Variants in CNOT4 observed in about 807,000 individuals in gnomAD.
CNOT4 encodes CCR4-NOT transcription complex subunit 4, also known as CCR4-associated factor 4.
CNOT4 carries 8 observed loss-of-function variants against 73.8 expected under a neutral mutation model. The ratio of observed to expected loss-of-function variants is 0.11; its 90% CI spans 0.06 to 0.20. CNOT4 has a LOEUF of 0.20. CNOT4 is among the 10% of genes least tolerant of loss of function. The pLI, the probability that CNOT4 is intolerant of heterozygous loss-of-function variation, is 1.00. For missense variants in CNOT4, 564 were observed against 883.4 expected, an observed-to-expected ratio of 0.64 and a Z score of 4.58; for synonymous variants, 293 against 321.1, an observed-to-expected ratio of 0.91 and a Z score of 0.94.
intron 1 of CNOT4, among the ~76,000 whole-genome samples, chr7:135,440,991 A>G (rs1203681416): frequency 6.6e-6 from 1 of 152,228 alleles, no homozygotes; most frequent in Non-Finnish European, 1.5e-5. Flanking sequence ...TTAAGTAAAT[A>G]TGATATAACA....
chr7:135,412,242 TAA>T (rs1046650154), intron 6 of CNOT4, among the ~76,000 whole-genome samples: 2 of 151,892 alleles, frequency 1.3e-5, no homozygotes, highest in Non-Finnish European at 2.9e-5. Context: ...GGGCAGTTCA[TAA>T]AGACAGGTTA....
chr7:135,453,021 T>C (rs1429685402), intron 1 of CNOT4, among the ~76,000 whole-genome samples: 1 of 152,168 alleles, frequency 6.6e-6, no homozygotes. Context: ...ACAGTTTTAT[T>C]TGGGGGAAAA....
Position 135,364,128 on chromosome 7 carries a change from A to G in CNOT4, c.1628-62T>C, listed in dbSNP as rs916865957. 8.1e-7 allele frequency: 1 copy of G among 1,240,708 alleles called. No homozygotes were observed. Among genetic ancestry groups the G allele is most frequent in the Non-Finnish European group, 1.1e-6 (1 of 879,428 alleles). The allele number at this position is 1,240,708 out of a possible 1,614,324, so 76.9% of individuals were successfully genotyped here. ...AAAAATAAAAAGCTACGTTAGAAACATATGTTGTTCTTTAGTGGTTAAGCG... is the reference window on the plus strand; with the variant it reads ...AAAAATAAAAAGCTACGTTAGAAACGTATGTTGTTCTTTAGTGGTTAAGCG... On this transcript the variant is annotated intron_variant, in intron 10 of 11. Transcript: ENST00000541284. The surrounding 1 kb of genome is among the most constrained non-coding windows in gnomAD (Gnocchi z 4.3).
chr7:135,472,597 A>G (rs1455446203), intron 1 of CNOT4, among the ~76,000 whole-genome samples: 1 of 130,256 alleles, frequency 7.7e-6, no homozygotes, highest in Non-Finnish European at 1.6e-5. Context: ...AGCATCTCAC[A>G]GAATTTAACC....
At chr7:135,368,448 G>C (rs1206769172) in intron 10 of CNOT4, among the ~76,000 whole-genome samples, 1 of 152,134 alleles carries the variant, frequency 6.6e-6, no homozygotes, top group Non-Finnish European at 1.5e-5. Context: ...CTGTTTTCAA[G>C]GGGCTAAAAG....
rs141020405 is a variant in CNOT4, at chr7:135,367,002, A to G, written c.1628-2936T>C. On this transcript the variant is annotated intron_variant, in intron 10 of 11. Transcript: ENST00000541284. The stretch of plus-strand genomic sequence containing the variant: ...TACAGCAGGGTTTATCAACCTCATC[A>G]CCACTGACAGTTTGAACTACATAAT... Among the ~76,000 whole-genome samples the G allele has an allele frequency of 2.9e-3, 438 of 152,158 alleles. 2 individuals are homozygous for G. The highest frequency in any genetic ancestry group is 9.6e-3 in the African/African-American group (399 of 41,502).
At chr7:135,433,022 T>A (rs1470437331) in intron 2 of CNOT4, among the ~76,000 whole-genome samples, 1 of 152,216 alleles carries the variant, frequency 6.6e-6, no homozygotes, top group African/African-American at 2.4e-5. Flanking sequence ...GCCCTTTCAA[T>A]CTGAAAATGT....
chr7:135,390,937 T>G (rs1273447042), intron 10 of CNOT4, among the ~76,000 whole-genome samples: 23 of 152,114 alleles, frequency 1.5e-4, no homozygotes, highest in Non-Finnish European at 1.5e-5. Context: ...GAAACAGGTA[T>G]GTACTCTCTC....
intron 2 of CNOT4, among the ~76,000 whole-genome samples, chr7:135,423,590 C>T (rs931350698): frequency 7.9e-5 from 12 of 152,108 alleles, no homozygotes; most frequent in African/African-American, 2.9e-4. Flanking sequence ...CCTGAGGTCT[C>T]CAAGAACCCT....
chr7:135,496,509 A>G (rs1011358614), intron 1 of CNOT4, among the ~76,000 whole-genome samples: 1 of 151,398 alleles, frequency 6.6e-6, no homozygotes, highest in Non-Finnish European at 1.5e-5. Flanking sequence ...CACCAAGCCA[A>G]AGGATTCTTT....
intron 10 of CNOT4, chr7:135,388,412 T>G (rs1163148731): frequency 1.0e-6 from 1 of 983,778 alleles, no homozygotes; most frequent in African/African-American, 1.7e-5. Flanking sequence ...TTCAGGAGAT[T>G]AGGATATTAT....
intron 1 of CNOT4, among the ~76,000 whole-genome samples, chr7:135,487,528 C>T (rs1802809046): frequency 6.6e-6 from 1 of 152,094 alleles, no homozygotes; most frequent in South Asian, 2.1e-4. Flanking sequence ...ATGTGAGTCA[C>T]CACACCAGGT....
intron 1 of CNOT4, among the ~76,000 whole-genome samples, chr7:135,491,045 G>A (rs1320621260): frequency 3.3e-5 from 5 of 152,226 alleles, no homozygotes; most frequent in Non-Finnish European, 1.5e-5. Flanking sequence ...TCTGGCCTGA[G>A]CAACTGGAAA....
Position 135,364,413 on chromosome 7 carries a change from T to C in CNOT4, c.1628-347A>G, listed in dbSNP as rs569840581. 5.4e-4 allele frequency among the ~76,000 whole-genome samples: 82 copies of C among 152,368 alleles called. No homozygotes were observed. Among genetic ancestry groups the C allele is most frequent in the African/African-American group, 1.9e-3 (78 of 41,586 alleles). On this transcript the variant is annotated intron_variant, in intron 10 of 11. Coordinates refer to ENST00000541284, the MANE Select transcript of CNOT4 (RefSeq NM_001190850.2). This position sits in a 1 kb window ranked among gnomAD's most constrained non-coding sequence, Gnocchi z 4.3. ...TTATGAAGTTTCACTTAGTGAGGCA[T>C]TTAGCCAGCTGAGCTGATTTACGCT...
At chr7:135,487,645 C>T (rs1358598715) in intron 1 of CNOT4, among the ~76,000 whole-genome samples, 1 of 151,956 alleles carries the variant, frequency 6.6e-6, no homozygotes, top group African/African-American at 2.4e-5. Context: ...CCTAACAAAG[C>T]CACTTTTGTT....
At chr7:135,465,521 T>C (rs1801163284) in intron 1 of CNOT4, among the ~76,000 whole-genome samples, 1 of 152,206 alleles carries the variant, frequency 6.6e-6, no homozygotes, top group South Asian at 2.1e-4. Flanking sequence ...TTTATCATTA[T>C]TTTAGAGTTT....
intron 1 of CNOT4, among the ~76,000 whole-genome samples, chr7:135,492,838 C>A (rs1027570563): frequency 6.6e-6 from 1 of 151,936 alleles, no homozygotes; most frequent in African/African-American, 2.4e-5. Context: ...AGAGTAAGAT[C>A]ATTAAAGAAG....
intron 7 of CNOT4, among the ~76,000 whole-genome samples, chr7:135,407,412 A>G (rs1797353103): frequency 6.6e-6 from 1 of 152,034 alleles, no homozygotes; most frequent in Admixed American, 6.5e-5. Context: ...ATAACAAGGT[A>G]TTTCATATTG....
chr7:135,398,188 T>A lies in CNOT4; in HGVS notation c.860A>T (p.Asn287Ile). 1 of 1,552,164 alleles carries A rather than the reference T, an allele frequency of 6.4e-7. No homozygotes were observed. Among genetic ancestry groups the A allele is most frequent in the Non-Finnish European group, 8.9e-7 (1 of 1,124,806 alleles). ...TCTTACCTGCTGGGAATTATCACCG[T>A]TCCCTATACTGAGAGAATCTGAAGG... ...DKPSDSLSIG[N>I]GDNSQQISNS... Residue 287 changes from asparagine to isoleucine, a missense_variant, in exon 8 of 12, where the codon AAC (asparagine) becomes ATC (isoleucine). Transcript: ENST00000541284.
Sources: allele counts gnomAD v4.1 joint callset (sites outside exome capture counted in the v4.1 genomes callset), GRCh38; gene constraint gnomAD v4.1.1; non-coding constraint Gnocchi (gnomAD v3.1); transcripts MANE v1.5; gene names NCBI Gene and HGNC (gene_info 2026-07-23, HGNC 2026-07-21).